The following MSRA variants were observed in gnomAD, a reference collection of about 807,000 sequenced individuals.
MSRA encodes the protein methionine sulfoxide reductase A.
MSRA carries 54 observed loss-of-function variants against 31.3 expected under a neutral mutation model. That is an observed-to-expected ratio of 1.73 (90% CI 1.39 to 2.17). MSRA has a LOEUF of 2.17. MSRA is among the 30% of genes most tolerant of loss of function. The probability of loss-of-function intolerance (pLI) is 0.00; values close to 1 mark genes in which losing one functional copy is unlikely to be tolerated. For missense variants in MSRA, 507 were observed against 300.9 expected (o/e 1.69, Z -5.07); for synonymous variants, 169 against 116.5 (o/e 1.45, Z -2.90).
intron 2 of MSRA, among the ~76,000 whole-genome samples, chr8:10,229,335 G>A (rs1252569982): frequency 6.6e-6 from 1 of 152,202 alleles, no homozygotes; most frequent in Non-Finnish European, 1.5e-5. Context: ...ATCTGAGTTG[G>A]GTGATAACCA....
At chr8:10,244,933 C>G (rs916153577) in intron 2 of MSRA, among the ~76,000 whole-genome samples, 171 bp from the exon 3 acceptor site, 14 of 151,922 alleles carry the variant, frequency 9.2e-5, no homozygotes, top group African/African-American at 3.4e-4. Context: ...AAATTATTTA[C>G]CAATGTTAAG....
intron 1 of MSRA, among the ~76,000 whole-genome samples, chr8:10,118,990 G>C (rs1223106400): frequency 6.6e-6 from 1 of 152,158 alleles, no homozygotes; most frequent in East Asian, 1.9e-4. Flanking sequence ...CAGCGTTCAT[G>C]AAGGCAGGTT....
intron 5 of MSRA, among the ~76,000 whole-genome samples, chr8:10,329,433 C>T (rs1204414483): frequency 1.3e-5 from 2 of 152,192 alleles, no homozygotes; most frequent in Non-Finnish European, 1.5e-5. Context: ...CATCTGATCT[C>T]GTCCTGCATC....
chr8:10,381,231 A>G (rs968893111), intron 5 of MSRA, among the ~76,000 whole-genome samples: 3 of 151,872 alleles, frequency 2.0e-5, no homozygotes, highest in African/African-American at 4.8e-5. Flanking sequence ...CCACTCTCCC[A>G]TGTTCCTCTT....
chr8:10,068,086 G>A (rs1292427206), intron 1 of MSRA, among the ~76,000 whole-genome samples: 2 of 151,992 alleles, frequency 1.3e-5, no homozygotes, highest in Non-Finnish European at 2.9e-5. Context: ...GTTTCGCTGT[G>A]TTTGCCAGGC....
chr8:10,389,266 C>G (rs900824697), intron 5 of MSRA, among the ~76,000 whole-genome samples: 2 of 152,140 alleles, frequency 1.3e-5, no homozygotes, highest in Non-Finnish European at 2.9e-5. Flanking sequence ...TGAGAACCAC[C>G]GGAGTCATCT....
chr8:10,217,768 C>A (rs1387092811), intron 2 of MSRA, among the ~76,000 whole-genome samples: 1 of 152,130 alleles, frequency 6.6e-6, no homozygotes. Flanking sequence ...TAAAATAATA[C>A]TTTTTAAATA....
chr8:10,084,950 C>G (rs114738871), intron 1 of MSRA, among the ~76,000 whole-genome samples: 1 of 151,756 alleles, frequency 6.6e-6, no homozygotes, highest in African/African-American at 2.4e-5. Flanking sequence ...AGCTGGTTCC[C>G]CTTTATATTT....
chr8:10,100,577 G>T lies in MSRA; in HGVS notation c.142+45919G>T, dbSNP rs57955445. ...TTCTAGAGAACATGGTGAAACAGGG[G>T]AGGATGAGTAAGTAGAAATTTAGAT... On this transcript the variant is annotated intron_variant, in intron 1 of 5. Transcript: ENST00000317173. Among the ~76,000 whole-genome samples the T allele has an allele frequency of 6.5e-4, 99 of 152,236 alleles. 3 individuals carry two copies. The East Asian group carries it at 0.018, about 28-fold the overall frequency.
chr8:10,194,620 G>C (rs1807818348), intron 1 of MSRA, among the ~76,000 whole-genome samples: 1 of 152,210 alleles, frequency 6.6e-6, no homozygotes, highest in Admixed American at 6.5e-5. Context: ...ATTTTGTAGA[G>C]GAAATGAAGT....
chr8:10,391,173 G>A (rs1806721557), intron 5 of MSRA, among the ~76,000 whole-genome samples: 2 of 152,136 alleles, frequency 1.3e-5, no homozygotes, highest in Admixed American at 1.3e-4. Flanking sequence ...ATTTGCATTG[G>A]CTTTTGTATC....
At chr8:10,110,094 A>C (rs541828202) in intron 1 of MSRA, among the ~76,000 whole-genome samples, 1 of 152,230 alleles carries the variant, frequency 6.6e-6, no homozygotes, top group South Asian at 2.1e-4. Context: ...CCCCACACAG[A>C]CATTCACTGA....
At chr8:10,281,463 C>T (rs1173036884) in intron 3 of MSRA, among the ~76,000 whole-genome samples, 1 of 152,234 alleles carries the variant, frequency 6.6e-6, no homozygotes, top group Non-Finnish European at 1.5e-5. Context: ...ACTGGGATGG[C>T]ACAGCCTTGA....
intron 1 of MSRA, among the ~76,000 whole-genome samples, chr8:10,060,499 T>G (rs1045541291): frequency 2.0e-5 from 3 of 152,144 alleles, no homozygotes; most frequent in Non-Finnish European, 2.9e-5. Flanking sequence ...GACATAGACT[T>G]TTGATGCTTT....
chr8:10,083,060 G>A (rs923460824), intron 1 of MSRA, among the ~76,000 whole-genome samples: 5 of 152,272 alleles, frequency 3.3e-5, no homozygotes, highest in East Asian at 1.9e-4. Context: ...GAATTTGGAA[G>A]CACGTAACCA....
intron 5 of MSRA, among the ~76,000 whole-genome samples, chr8:10,382,633 G>A (rs1020046906): frequency 6.6e-6 from 1 of 152,136 alleles, no homozygotes; most frequent in East Asian, 1.9e-4. Context: ...AAGTGTTAAG[G>A]GTCCACCAAC....
chr8:10,055,932 A>T (rs1416194531), intron 1 of MSRA, among the ~76,000 whole-genome samples: 1 of 152,198 alleles, frequency 6.6e-6, no homozygotes, highest in Non-Finnish European at 1.5e-5. Flanking sequence ...ACTCAGCCGT[A>T]AAAGTTTATT....
chr8:10,118,109 C>G (rs1402811490), intron 1 of MSRA, among the ~76,000 whole-genome samples: 1 of 152,188 alleles, frequency 6.6e-6, no homozygotes, highest in African/African-American at 2.4e-5. Context: ...TCCCCTTGGG[C>G]TGATGGTGGT....
rs770523293 is a variant in MSRA at position 10,207,971 on chromosome 8, C to G, written c.211+70C>G. On this transcript the variant is annotated intron_variant, in intron 2 of 5. Coordinates refer to ENST00000317173, the MANE Select transcript of MSRA (RefSeq NM_012331.5). ...CTAGTGCCAAATTTCTTAGTTTTAG[C>G]AAGTGTTCTCAGGGCTTCAAAATCT... 3 of 1,294,780 alleles carry G rather than the reference C, an allele frequency of 2.3e-6. No individual in the cohort carries two copies. The Admixed American group carries it at 6.2e-5, about 27-fold the overall frequency. The allele number at this position is 1,294,780 out of a possible 1,614,324, so 80.2% of individuals were successfully genotyped here.
Sources: allele counts gnomAD v4.1 joint callset (sites outside exome capture counted in the v4.1 genomes callset), GRCh38; gene constraint gnomAD v4.1.1; transcripts MANE v1.5; gene names NCBI Gene and HGNC (gene_info 2026-07-23, HGNC 2026-07-21).